Variants in TMC1 observed in about 807,000 individuals in gnomAD.
TMC1 encodes the protein transmembrane channel-like protein 1.
Under a neutral mutation model 105.8 loss-of-function variants are expected in TMC1, and 84 were observed. The ratio of observed to expected loss-of-function variants is 0.79; its 90% CI spans 0.67 to 0.95. TMC1 has a LOEUF of 0.95. TMC1 is among the 40% of genes least tolerant of loss of function. The probability of loss-of-function intolerance (pLI) is 0.00; values close to 1 mark genes in which losing one functional copy is unlikely to be tolerated. For missense variants in TMC1, 817 were observed against 914.1 expected, an observed-to-expected ratio of 0.89 and a Z score of 1.37; for synonymous variants, 315 against 311.5, an observed-to-expected ratio of 1.01 and a Z score of -0.12.
At chr9:72,561,740 T>C (rs554066051) in intron 1 of TMC1, among the ~76,000 whole-genome samples, 1 of 152,338 alleles carries the variant, frequency 6.6e-6, no homozygotes, top group Non-Finnish European at 1.5e-5. Flanking sequence ...AAATCCAGGC[T>C]GTTCTATTTC....
At chr9:72,654,519 G>A (rs1468033546) in intron 5 of TMC1, among the ~76,000 whole-genome samples, 1 of 151,384 alleles carries the variant, frequency 6.6e-6, no homozygotes, top group Non-Finnish European at 1.5e-5. Context: ...CATTTTAGTG[G>A]GTTTACAATA....
chr9:72,719,208 A>G (rs1826974176), intron 8 of TMC1, among the ~76,000 whole-genome samples: 1 of 152,128 alleles, frequency 6.6e-6, no homozygotes, highest in African/African-American at 2.4e-5. Flanking sequence ...CTGGCCAGGA[A>G]ACTTCACATT....
intron 1 of TMC1, among the ~76,000 whole-genome samples, chr9:72,573,586 A>C (rs956160085): frequency 6.6e-6 from 1 of 152,212 alleles, no homozygotes; most frequent in African/African-American, 2.4e-5. Flanking sequence ...CAGGCAATAG[A>C]TTCCTGTACA....
chr9:72,793,565 C>T (rs946458817), intron 17 of TMC1, among the ~76,000 whole-genome samples: 1 of 152,170 alleles, frequency 6.6e-6, no homozygotes, highest in Non-Finnish European at 1.5e-5. Flanking sequence ...CTGGGTAGGA[C>T]CTCCTAACTG....
At chr9:72,795,251 A>T (rs570344774) in intron 17 of TMC1, among the ~76,000 whole-genome samples, 4 of 152,338 alleles carry the variant, frequency 2.6e-5, no homozygotes, top group African/African-American at 9.6e-5. Context: ...TAGAGAGGCA[A>T]ATTTGCTGCC....
intron 5 of TMC1, chr9:72,655,704 T>A (rs894756614): frequency 4.8e-5 from 20 of 419,790 alleles, no homozygotes; most frequent in Non-Finnish European, 7.5e-5. Flanking sequence ...ATCGCGCCAC[T>A]GCACTCCAGC....
chr9:72,682,239 CA>C (rs1160894348), intron 5 of TMC1, among the ~76,000 whole-genome samples: 1 of 152,094 alleles, frequency 6.6e-6, no homozygotes. Context: ...CTGGTTTTCA[CA>C]AAACTGGTCT....
chr9:72,598,733 G>T (rs1371194572), intron 2 of TMC1, among the ~76,000 whole-genome samples: 2 of 152,186 alleles, frequency 1.3e-5, no homozygotes, highest in African/African-American at 2.4e-5. Context: ...AGAGAAAAAG[G>T]TTATGTCTTT....
intron 1 of TMC1, among the ~76,000 whole-genome samples, chr9:72,567,300 A>T (rs543007077): frequency 6.6e-6 from 1 of 152,058 alleles, no homozygotes; most frequent in Non-Finnish European, 1.5e-5. Flanking sequence ...CTTCTCAAAT[A>T]TGTCTTCTTT....
In TMC1 at chr9:72,599,548, T is replaced by C. The variant is rs566249667; in HGVS notation, c.-305-16820T>C. 3.3e-5 allele frequency among the ~76,000 whole-genome samples: 5 copies of C among 152,306 alleles called. No homozygotes were observed. In the East Asian group the frequency reaches 9.7e-4, roughly 29 times the overall value. On this transcript the variant is annotated intron_variant, in intron 2 of 23. Coordinates refer to ENST00000297784, the MANE Select transcript of TMC1 (RefSeq NM_138691.3). Reference sequence around the variant, plus strand: ...GTCCAAATTGAAGTTCGATTTTCATTATCACAGATTTTCATATCTCTCTAT... The same window carrying C: ...GTCCAAATTGAAGTTCGATTTTCATCATCACAGATTTTCATATCTCTCTAT...
At chr9:72,800,736 A>C (rs907943386) in intron 17 of TMC1, among the ~76,000 whole-genome samples, 2 of 133,470 alleles carry the variant, frequency 1.5e-5, no homozygotes, top group Admixed American at 1.4e-4. Context: ...CTTATCTTTC[A>C]CCTTCCTTTC....
chr9:72,760,481 T>C (rs2118085815), intron 12 of TMC1, among the ~76,000 whole-genome samples: 1 of 152,214 alleles, frequency 6.6e-6, no homozygotes, highest in Non-Finnish European at 1.5e-5. Flanking sequence ...TTATTTAAGC[T>C]AGAGCCGTTA....
At chr9:72,713,582 G>C (rs750247336) in intron 8 of TMC1, among the ~76,000 whole-genome samples, 2 of 152,138 alleles carry the variant, frequency 1.3e-5, no homozygotes, top group Non-Finnish European at 2.9e-5. Flanking sequence ...AGTATTCTCT[G>C]ATGGTAGTTT....
Position 72,792,312 on chromosome 9 carries a change from A to G in TMC1, c.1526A>G (p.Asp509Gly). 6.2e-7 allele frequency: 1 copy of G among 1,614,152 alleles called. No individual in the cohort carries two copies. The highest frequency in any genetic ancestry group is 8.5e-7 in the Non-Finnish European group (1 of 1,180,030). The change falls in exon 17 of 24, where the codon GAT (aspartate) becomes GGT (glycine). Residue 509 changes from aspartate (D) to glycine (G), a missense_variant. By Grantham distance (94) the Asp-to-Gly change is moderately conservative. Coordinates refer to ENST00000297784, the MANE Select transcript of TMC1 (RefSeq NM_138691.3). The stretch of plus-strand genomic sequence containing the variant: ...CCACCCTTTTTTGTTCACCCTGCAG[A>G]TGTACCTCGAGGACCTTGCTGGGAA... ...TGPPFFVHPADVPRGPCWETM... is the reference protein window; with the variant it reads ...TGPPFFVHPAGVPRGPCWETM...
chr9:72,694,623 A>C lies in TMC1; in HGVS notation c.145A>C (p.Ile49Leu), dbSNP rs149947445. Reference sequence around the variant, plus strand: ...AAAGAGGAAACGGACCAGAGATGTTATCAATGAGGATGACCCAGAACCTGA... The same window carrying C: ...AAAGAGGAAACGGACCAGAGATGTTCTCAATGAGGATGACCCAGAACCTGA... ...RPKRKRTRDV[I>L]NEDDPEPEPE... The change falls in exon 7 of 24, where the codon ATC (isoleucine) becomes CTC (leucine). Residue 49 changes from isoleucine (I) to leucine (L), a missense_variant. Ile to Leu is a conservative substitution (Grantham distance 5). Coordinates refer to ENST00000297784, the MANE Select transcript of TMC1 (RefSeq NM_138691.3). 2.4e-4 allele frequency: 394 copies of C among 1,612,994 alleles called. No individual in the cohort carries two copies. The highest frequency in any genetic ancestry group is 3.0e-4 in the Non-Finnish European group (357 of 1,179,520).
chr9:72,720,290 A>G (rs1039142576), intron 8 of TMC1, among the ~76,000 whole-genome samples: 1 of 152,228 alleles, frequency 6.6e-6, no homozygotes. Flanking sequence ...CCCAGAAGTC[A>G]CAAACCTGAA....
At chr9:72,782,773 G>A (rs2487469) in intron 13 of TMC1, among the ~76,000 whole-genome samples, 38,117 of 151,944 alleles carry the variant, frequency 0.25, 5,012 homozygotes, top group East Asian at 0.38. Context: ...ACAGAACATA[G>A]CTTAAAGAAA....
At chr9:72,601,197 C>G (rs371690767) in intron 2 of TMC1, among the ~76,000 whole-genome samples, 15,470 of 137,530 alleles carry the variant, frequency 0.11, 860 homozygotes, top group Non-Finnish European at 0.15. Flanking sequence ...CACACACAGA[C>G]ACACACACAC....
At chr9:72,718,698 C>T (rs939561084) in intron 8 of TMC1, among the ~76,000 whole-genome samples, 5 of 152,186 alleles carry the variant, frequency 3.3e-5, no homozygotes, top group Admixed American at 2.0e-4. Context: ...CAGGAGGTGG[C>T]GCTTTCAAGA....
Sources: allele counts gnomAD v4.1 joint callset (sites outside exome capture counted in the v4.1 genomes callset), GRCh38; gene constraint gnomAD v4.1.1; transcripts MANE v1.5; gene names NCBI Gene and HGNC (gene_info 2026-07-23, HGNC 2026-07-21).